The following TNKS variants were observed in gnomAD, a reference collection of about 807,000 sequenced individuals.
The protein encoded by TNKS is tankyrase, also known as poly [ADP-ribose] polymerase tankyrase-1.
Under a neutral mutation model 135.8 loss-of-function variants are expected in TNKS, and 72 were observed. The ratio of observed to expected loss-of-function variants is 0.53; its 90% confidence interval spans 0.44 to 0.64. The LOEUF (loss-of-function observed/expected upper bound fraction) is 0.64, where lower values mean the gene tolerates loss of function less well. TNKS is among the 30% of genes least tolerant of loss of function. TNKS has a pLI of 0.00. For missense variants in TNKS, 1,769 were observed against 1,674.0 expected (o/e 1.06, Z -0.99); for synonymous variants, 849 against 649.3 (o/e 1.31, Z -4.68).
chr8:9,568,501 T>C (rs1247747995), intron 1 of TNKS, among the ~76,000 whole-genome samples: 1 of 152,140 alleles, frequency 6.6e-6, no homozygotes, highest in Non-Finnish European at 1.5e-5. Context: ...GAATATAATA[T>C]TAGAAATTTT....
intron 3 of TNKS, among the ~76,000 whole-genome samples, chr8:9,628,389 G>A (rs61176710): frequency 0.71 from 107,360 of 151,960 alleles, 38,284 homozygotes; most frequent in Middle Eastern, 0.8. Flanking sequence ...AGTTTTTTAA[G>A]AAACTCTGTC....
intron 3 of TNKS, among the ~76,000 whole-genome samples, chr8:9,675,585 T>C (rs888591346): frequency 1.1e-4 from 17 of 152,244 alleles, no homozygotes; most frequent in African/African-American, 3.6e-4. Flanking sequence ...TCTGTAAATT[T>C]AAATGCTTTA....
chr8:9,642,238 A>G (rs1225059459), intron 3 of TNKS, among the ~76,000 whole-genome samples: 2 of 146,546 alleles, frequency 1.4e-5, no homozygotes, highest in East Asian at 2.1e-4. Context: ...CATTTACTCA[A>G]AATGAATGTG....
Position 9,667,668 on chromosome 8 carries a change from A to G in TNKS, c.995-12283A>G, listed in dbSNP as rs542532201. Among the ~76,000 whole-genome samples the G allele has an allele frequency of 2.5e-3, 381 of 152,286 alleles. 2 individuals are homozygous for G. Among genetic ancestry groups the G allele is most frequent in the Admixed American group, 4.1e-3 (62 of 15,298 alleles). On this transcript the variant is annotated intron_variant, in intron 3 of 26. Transcript: ENST00000310430. ...GTCTCAGAAAGATGTAGTGAGTGCA[A>G]TTATGGTTTCCTCAAGAAGCACCAA...
intron 26 of TNKS, 104 bp downstream of exon 26, chr8:9,770,366 C>G: frequency 8.3e-7 from 1 of 1,197,964 alleles, no homozygotes; most frequent in South Asian, 1.6e-5. Context: ...ATCCACCACA[C>G]AGTGTGCTAG....
intron 25 of TNKS, among the ~76,000 whole-genome samples, chr8:9,769,612 C>CTTTTTTTTTTTTT (rs1163803220): frequency 1.4e-5 from 1 of 73,464 alleles, no homozygotes; most frequent in Non-Finnish European, 2.4e-5. Flanking sequence ...CAGGCATTTT[C>CTTTTTTTTTTTTT]TTTTTTTTTT....
intron 3 of TNKS, among the ~76,000 whole-genome samples, chr8:9,644,281 A>G (rs1800829080): frequency 1.3e-5 from 2 of 152,180 alleles, no homozygotes; most frequent in African/African-American, 4.8e-5. Flanking sequence ...AGGCTCTGGT[A>G]GTGGCTGAGG....
chr8:9,620,106 C>A (rs1256980487), intron 3 of TNKS, among the ~76,000 whole-genome samples: 2 of 152,038 alleles, frequency 1.3e-5, no homozygotes, highest in Non-Finnish European at 2.9e-5. Context: ...GGCGCCACCA[C>A]GCCCAGCTAA....
At chr8:9,644,510 C>A (rs1414985113) in intron 3 of TNKS, among the ~76,000 whole-genome samples, 1 of 152,118 alleles carries the variant, frequency 6.6e-6, no homozygotes, top group African/African-American at 2.4e-5. Context: ...TTTAACGTTT[C>A]CCACTAGAAC....
rs549454111 is a variant in TNKS, at chr8:9,676,213, A to G, written c.995-3738A>G. Among the ~76,000 whole-genome samples the G allele has an allele frequency of 2.0e-5, 3 of 151,832 alleles. No individual in the cohort carries two copies. In the South Asian group the frequency reaches 6.3e-4, roughly 32 times the overall value. ...TTTTTAGTAGAGATGGGGTTTCACC[A>G]TGTTGGCCAGGCTAGTCTCGAACTC... On this transcript the variant is annotated intron_variant, in intron 3 of 26. Coordinates refer to ENST00000310430, the MANE Select transcript of TNKS (RefSeq NM_003747.3).
intron 5 of TNKS, among the ~76,000 whole-genome samples, chr8:9,700,508 C>T (rs902514962): frequency 1.6e-4 from 25 of 152,194 alleles, no homozygotes; most frequent in Admixed American, 1.6e-3. Flanking sequence ...GTAAGTCTCT[C>T]TCTCTGACAT....
At chr8:9,619,790 T>C (rs1236404707) in intron 3 of TNKS, among the ~76,000 whole-genome samples, 1 of 145,186 alleles carries the variant, frequency 6.9e-6, no homozygotes, top group Non-Finnish European at 1.5e-5. Flanking sequence ...ATCCTTTGCT[T>C]TTTTTTTTTT....
intron 11 of TNKS, among the ~76,000 whole-genome samples, chr8:9,711,370 T>G (rs910690058): frequency 6.6e-6 from 1 of 152,208 alleles, no homozygotes; most frequent in Non-Finnish European, 1.5e-5. Flanking sequence ...CTCACTTGTT[T>G]GTTCCCTTTC....
chr8:9,669,462 T>C (rs1442124148), intron 3 of TNKS, among the ~76,000 whole-genome samples: 2 of 149,524 alleles, frequency 1.3e-5, no homozygotes, highest in Admixed American at 1.3e-4. Context: ...AAAAAGAAAG[T>C]AGGGACAAGG....
At chr8:9,700,329 G>T (rs1273699200) in intron 5 of TNKS, among the ~76,000 whole-genome samples, 1 of 152,174 alleles carries the variant, frequency 6.6e-6, no homozygotes, top group Non-Finnish European at 1.5e-5. Context: ...GAAAGAAGAA[G>T]ATCCATAAGC....
rs773386986 is a variant in TNKS, at chr8:9,752,568, G to A, written c.3095G>A (p.Ser1032Asn). 3.7e-6 allele frequency: 6 copies of A among 1,612,658 alleles called. No individual in the cohort carries two copies. In the African/African-American group the frequency reaches 6.7e-5, roughly 18 times the overall value. The change falls in exon 20 of 27, where the codon AGC becomes AAC. Residue 1032 changes from serine to asparagine, a missense_variant. Transcript: ENST00000310430. Reference protein sequence around the residue: ...GEVAGLDMNISQFLKSLGLEH... With the variant: ...GEVAGLDMNINQFLKSLGLEH... ...GTTGCTGGTCTTGACATGAATATCA[G>A]CCAATTTCTAAAAAGCCTTGGCCTT...
chr8:9,664,692 T>G (rs1801905924), intron 3 of TNKS, among the ~76,000 whole-genome samples: 1 of 152,224 alleles, frequency 6.6e-6, no homozygotes, highest in Admixed American at 6.5e-5. Flanking sequence ...TTTAGAGAAC[T>G]GAAGATGGTT....
At chr8:9,626,170 T>C (rs1315694546) in intron 3 of TNKS, among the ~76,000 whole-genome samples, 1 of 152,220 alleles carries the variant, frequency 6.6e-6, no homozygotes, top group Non-Finnish European at 1.5e-5. Flanking sequence ...TTTCATAATT[T>C]TCTTTGCTCT....
chr8:9,647,200 A>C (rs1243683924), intron 3 of TNKS, among the ~76,000 whole-genome samples: 4 of 152,192 alleles, frequency 2.6e-5, no homozygotes, highest in Non-Finnish European at 5.9e-5. Context: ...TTCTACCCTC[A>C]GTCTAGACAA....
Sources: gnomAD v4.1 joint callset for allele counts (sites outside exome capture counted in the v4.1 genomes callset) on GRCh38, gnomAD v4.1.1 for gene constraint, MANE v1.5 for transcripts, NCBI Gene and HGNC (gene_info 2026-07-23, HGNC 2026-07-21) for gene names.